The following SHISA9 variants were observed in gnomAD, a reference collection of about 807,000 sequenced individuals.
SHISA9 encodes shisa family member 9.
A neutral mutation model predicts 38.0 loss-of-function variants in SHISA9; 13 were observed. That is an observed-to-expected ratio of 0.34 (90% CI 0.22 to 0.54). The LOEUF (loss-of-function observed/expected upper bound fraction) is 0.54, where lower values mean the gene tolerates loss of function less well. SHISA9 is among the 20% of genes least tolerant of loss of function. The probability of loss-of-function intolerance (pLI) is 0.91; values close to 1 mark genes in which losing one functional copy is unlikely to be tolerated. For missense variants in SHISA9, 538 were observed against 575.8 expected (o/e 0.93, Z 0.67); for synonymous variants, 275 against 242.0 (o/e 1.14, Z -1.27).
At chr16:12,958,811 C>A (rs953307669) in intron 2 of SHISA9, among the ~76,000 whole-genome samples, 8 of 152,190 alleles carry the variant, frequency 5.3e-5, no homozygotes, top group African/African-American at 1.9e-4. Flanking sequence ...GTACTCTGTA[C>A]TAGTCAGCTA....
chr16:13,545,761 G>C, the SHISA9 span, among the ~76,000 whole-genome samples: 1 of 152,006 alleles, frequency 6.6e-6, no homozygotes, highest in Non-Finnish European at 1.5e-5. Flanking sequence ...CTCTTCTTTT[G>C]TATCAGAACT....
chr16:13,480,830 A>G, the SHISA9 span, among the ~76,000 whole-genome samples: 3 of 152,010 alleles, frequency 2.0e-5, no homozygotes, highest in African/African-American at 7.2e-5. Context: ...CCTGCAAATC[A>G]CTCCTTGGCA....
chr16:13,315,559 G>A, the SHISA9 span, among the ~76,000 whole-genome samples: 1 of 152,172 alleles, frequency 6.6e-6, no homozygotes, highest in Admixed American at 6.5e-5. Flanking sequence ...GAGACAAACA[G>A]ACTTCCATTG....
At chr16:12,995,116 T>A (rs2141836077) in intron 2 of SHISA9, among the ~76,000 whole-genome samples, 1 of 152,228 alleles carries the variant, frequency 6.6e-6, no homozygotes, top group African/African-American at 2.4e-5. Context: ...ATAGTAGGTG[T>A]CTATATTTAT....
intron 2 of SHISA9, among the ~76,000 whole-genome samples, chr16:12,926,834 C>G (rs180675040): frequency 0.01 from 1,535 of 152,260 alleles, 11 homozygotes; most frequent in Non-Finnish European, 0.017. Context: ...CTTTGCCCAC[C>G]GCTGACTGAG....
chr16:13,048,502 A>C (rs1417276561), intron 2 of SHISA9, among the ~76,000 whole-genome samples: 1 of 152,034 alleles, frequency 6.6e-6, no homozygotes, highest in African/African-American at 2.4e-5. Context: ...GTTCACTGCA[A>C]CCTCCACCTC....
the SHISA9 span, among the ~76,000 whole-genome samples, chr16:13,367,708 GCGCGCACACACACACACACACACACA>G: frequency 8.6e-6 from 1 of 116,630 alleles, no homozygotes; most frequent in African/African-American, 3.7e-5. Flanking sequence ...GCGCGCGCGC[GCGCGCACACACACACACACACACACA>G]CACACACACA....
At chr16:12,967,028 T>C (rs543716203) in intron 2 of SHISA9, among the ~76,000 whole-genome samples, 1 of 152,302 alleles carries the variant, frequency 6.6e-6, no homozygotes, top group African/African-American at 2.4e-5. Flanking sequence ...GAACTAGGAA[T>C]ACCATTTGAC....
chr16:13,462,845 C>T, the SHISA9 span, among the ~76,000 whole-genome samples: 1 of 151,862 alleles, frequency 6.6e-6, no homozygotes, highest in Non-Finnish European at 1.5e-5. Context: ...GCCAGTAATC[C>T]TAGCTACTCA....
At chr16:13,527,715 TG>T in the SHISA9 span, among the ~76,000 whole-genome samples, 25 of 152,316 alleles carry the variant, frequency 1.6e-4, no homozygotes, top group Admixed American at 4.6e-4. Context: ...GATCTGCTCT[TG>T]GGCTCGGTGA....
chr16:13,185,801 A>G (rs1293870266), intron 2 of SHISA9, among the ~76,000 whole-genome samples: 1 of 152,198 alleles, frequency 6.6e-6, no homozygotes, highest in Non-Finnish European at 1.5e-5. Context: ...AAATTTGCCC[A>G]ATCTCTAATT....
intron 2 of SHISA9, among the ~76,000 whole-genome samples, chr16:13,128,635 T>C (rs1481915783): frequency 6.6e-6 from 1 of 152,226 alleles, no homozygotes; most frequent in Admixed American, 6.5e-5. Context: ...AACATTTTTA[T>C]TCATGCCCAG....
chr16:13,419,316 T>G, the SHISA9 span, among the ~76,000 whole-genome samples: 1 of 152,196 alleles, frequency 6.6e-6, no homozygotes, highest in Non-Finnish European at 1.5e-5. Flanking sequence ...ACAGCGGGCC[T>G]CCTGGAAGCT....
chr16:13,311,473 C>G, the SHISA9 span, among the ~76,000 whole-genome samples: 2 of 152,036 alleles, frequency 1.3e-5, no homozygotes, highest in African/African-American at 2.4e-5. Context: ...TGTAGAGACT[C>G]GTTTTCTCTT....
At chr16:13,168,829 C>T (rs1216379723) in intron 2 of SHISA9, among the ~76,000 whole-genome samples, 1 of 152,224 alleles carries the variant, frequency 6.6e-6, no homozygotes, top group African/African-American at 2.4e-5. Flanking sequence ...GTCACTTCAC[C>T]TGTCTCAGCT....
chr16:13,294,003 C>A, the SHISA9 span, among the ~76,000 whole-genome samples: 1 of 152,124 alleles, frequency 6.6e-6, no homozygotes, highest in Non-Finnish European at 1.5e-5. Flanking sequence ...ACACTCCAAC[C>A]CTTGAATTTT....
At chr16:13,109,535 G>T (rs932694450) in intron 2 of SHISA9, among the ~76,000 whole-genome samples, 2 of 152,108 alleles carry the variant, frequency 1.3e-5, no homozygotes, top group African/African-American at 4.8e-5. Context: ...CTTTATGATG[G>T]TATAATTGAC....
the SHISA9 span, among the ~76,000 whole-genome samples, chr16:13,547,840 C>T: frequency 6.8e-6 from 1 of 146,056 alleles, no homozygotes; most frequent in Non-Finnish European, 1.5e-5. Context: ...ATATCAAAGA[C>T]ATTCTTCACA....
At chr16:12,984,428 C>G (rs1039617580) in intron 2 of SHISA9, among the ~76,000 whole-genome samples, 3 of 152,156 alleles carry the variant, frequency 2.0e-5, no homozygotes, top group African/African-American at 7.2e-5. Context: ...CTCTTATTTA[C>G]TGATATTGTG....
Sources: gnomAD v4.1 joint callset for allele counts (sites outside exome capture counted in the v4.1 genomes callset) on GRCh38, gnomAD v4.1.1 for gene constraint, MANE v1.5 for transcripts, NCBI Gene and HGNC (gene_info 2026-07-23, HGNC 2026-07-21) for gene names.